Variants in RANBP17 observed in about 807,000 individuals in gnomAD.
RANBP17 encodes the protein RAN binding protein 17.
RANBP17 carries 158 observed loss-of-function variants against 141.2 expected under a neutral mutation model. The ratio of observed to expected loss-of-function variants is 1.12; its 90% CI spans 0.98 to 1.28. RANBP17 has a LOEUF of 1.28. Among genes scored for constraint, RANBP17 ranks in the 50% most tolerant of loss-of-function variants. The pLI, the probability that RANBP17 is intolerant of heterozygous loss-of-function variation, is 0.00. For missense variants in RANBP17, 1,438 were observed against 1,290.7 expected (o/e 1.11, Z -1.75); for synonymous variants, 430 against 450.0 (o/e 0.96, Z 0.56).
chr5:170,967,249 C>G (rs1183821176), intron 13 of RANBP17, among the ~76,000 whole-genome samples: 1 of 151,904 alleles, frequency 6.6e-6, no homozygotes, highest in Admixed American at 6.6e-5. Context: ...GTCATATTTG[C>G]CTGTACATAC....
At chr5:170,916,645 A>G in intron 9 of RANBP17, 61 bp downstream of exon 9, 2 of 1,083,186 alleles carry the variant, frequency 1.8e-6, no homozygotes, top group Admixed American at 2.6e-5. Context: ...CTAAAGGCAC[A>G]TAATAAACTC....
intron 12 of RANBP17, among the ~76,000 whole-genome samples, chr5:170,934,916 A>G (rs889071562): frequency 6.6e-6 from 1 of 152,144 alleles, no homozygotes; most frequent in African/African-American, 2.4e-5. Flanking sequence ...ACTTGGTTCC[A>G]TTCTCCCTGT....
intron 13 of RANBP17, among the ~76,000 whole-genome samples, chr5:170,967,454 A>C (rs1776655329): frequency 1.3e-5 from 2 of 152,140 alleles, no homozygotes; most frequent in Admixed American, 6.5e-5. Flanking sequence ...TTTTGTTAGC[A>C]CAAGGTACTT....
chr5:170,900,698 A>G (rs149435825), intron 5 of RANBP17, among the ~76,000 whole-genome samples: 77 of 152,264 alleles, frequency 5.1e-4, no homozygotes, highest in African/African-American at 1.8e-3. Context: ...TGTCCCAGAG[A>G]TTCTGATACA....
Position 171,293,958 on chromosome 5 carries a change from G to A in RANBP17, c.3019G>A (p.Gly1007Arg). 6.2e-7 allele frequency: 1 copy of A among 1,613,606 alleles called. No homozygotes were observed. Among genetic ancestry groups the A allele is most frequent in the Non-Finnish European group, 8.5e-7 (1 of 1,179,640 alleles). ...NQWSVSRPLL[G>R]LILLNEKYFS... ...GTGGTCAGTATCCAGGCCTCTCCTG[G>A]GGCTCATCCTGCTCAATGAGAAGGT... Residue 1007 changes from glycine to arginine, a missense_variant, in exon 26 of 28, where the codon GGG becomes AGG. Coordinates refer to ENST00000523189, the MANE Select transcript of RANBP17 (RefSeq NM_022897.5).
At position 171,252,289 on chromosome 5, in the gene RANBP17, A is replaced by G. The variant is rs1765623437; in HGVS notation, c.2776+9469A>G. 5.2e-6 allele frequency: 8 copies of G among 1,550,426 alleles called. No individual in the cohort carries two copies. The South Asian group carries it at 6.9e-5, about 13-fold the overall frequency. ...CCGCTTACCTAATGGTAATATTAAT[A>G]ATGAAAATAATAACAGCACCCCAGA... On this transcript the variant is annotated intron_variant, in intron 24 of 27. Transcript: ENST00000523189.
At chr5:170,939,228 C>A (rs2339181) in intron 12 of RANBP17, among the ~76,000 whole-genome samples, 97,691 of 151,918 alleles carry the variant, frequency 0.64, 32,095 homozygotes, top group South Asian at 0.89. Context: ...GAAAGCAGAA[C>A]GTTTTCTACT....
chr5:171,274,501 G>T (rs866151549), intron 25 of RANBP17, among the ~76,000 whole-genome samples: 4 of 152,016 alleles, frequency 2.6e-5, no homozygotes, highest in Non-Finnish European at 5.9e-5. Context: ...AATATTTGAT[G>T]AATGACTATT....
chr5:171,095,034 A>T (rs1786578876), intron 14 of RANBP17, among the ~76,000 whole-genome samples: 1 of 152,198 alleles, frequency 6.6e-6, no homozygotes, highest in Non-Finnish European at 1.5e-5. Context: ...ATGTTATAAC[A>T]TAGCACAGAG....
At chr5:170,906,217 A>G (rs1038558603) in intron 5 of RANBP17, among the ~76,000 whole-genome samples, 3 of 152,076 alleles carry the variant, frequency 2.0e-5, no homozygotes, top group Admixed American at 2.0e-4. Context: ...TTTCTAGCAG[A>G]AGAACCAGTT....
chr5:170,869,480 G>A (rs943320277), intron 1 of RANBP17, among the ~76,000 whole-genome samples: 13 of 152,038 alleles, frequency 8.6e-5, no homozygotes, highest in Non-Finnish European at 1.8e-4. Context: ...TAGATCTGGT[G>A]GCCAGAAATC....
chr5:170,984,966 CAGACACACACACAA>C (rs1479265888), intron 14 of RANBP17, among the ~76,000 whole-genome samples: 22 of 151,812 alleles, frequency 1.4e-4, no homozygotes, highest in Non-Finnish European at 1.3e-4. Context: ...TTTTAAAATA[CAGACACACACACAA>C]AGACACACAC....
intron 19 of RANBP17, among the ~76,000 whole-genome samples, 169 bp downstream of exon 19, chr5:171,199,942 G>A (rs1293454989): frequency 4.6e-5 from 7 of 152,166 alleles, no homozygotes; most frequent in Middle Eastern, 3.4e-3. Context: ...TAGTTTCTTA[G>A]ACAAATGGAC....
chr5:171,222,647 G>C lies in RANBP17; in HGVS notation c.2422+807G>C, dbSNP rs115752458. On this transcript the variant is annotated intron_variant, in intron 22 of 27. Transcript: ENST00000523189. ...TTGCCTGTTATTCTTTTTTTTTTGA[G>C]ACGGAGTCTCACTCTGACACCCAGA... Among the ~76,000 whole-genome samples, 383 of 151,302 alleles carry C rather than the reference G, an allele frequency of 2.5e-3. 1 individual carries two copies. The highest frequency in any genetic ancestry group is 9.0e-3 in the African/African-American group (371 of 41,272).
intron 12 of RANBP17, among the ~76,000 whole-genome samples, chr5:170,940,286 C>G (rs540751952): frequency 6.6e-6 from 1 of 152,172 alleles, no homozygotes; most frequent in African/African-American, 2.4e-5. Flanking sequence ...ATTATTAAAA[C>G]TAGAGCTAAT....
chr5:171,198,789 C>T (rs1419600131), intron 18 of RANBP17, among the ~76,000 whole-genome samples: 2 of 152,138 alleles, frequency 1.3e-5, no homozygotes, highest in African/African-American at 4.8e-5. Context: ...CATGTCGTTC[C>T]ACCTCCAACT....
At chr5:171,016,074 A>G (rs1371950421) in intron 14 of RANBP17, among the ~76,000 whole-genome samples, 3 of 151,624 alleles carry the variant, frequency 2.0e-5, no homozygotes, top group African/African-American at 7.3e-5. Flanking sequence ...TTCGCTTTCC[A>G]TCTCCTCAAC....
intron 25 of RANBP17, among the ~76,000 whole-genome samples, chr5:171,266,462 C>G (rs754872366): frequency 1.3e-5 from 2 of 152,120 alleles, no homozygotes; most frequent in Non-Finnish European, 2.9e-5. Flanking sequence ...TTTTTAAAAA[C>G]TCACTTGTGC....
chr5:171,281,772 C>T (rs1767876524), intron 25 of RANBP17, among the ~76,000 whole-genome samples: 1 of 152,200 alleles, frequency 6.6e-6, no homozygotes, highest in Non-Finnish European at 1.5e-5. Context: ...ATATTATTGA[C>T]TTGAAATATA....
Sources: gnomAD v4.1 joint callset for allele counts (sites outside exome capture counted in the v4.1 genomes callset) on GRCh38, gnomAD v4.1.1 for gene constraint, MANE v1.5 for transcripts, NCBI Gene and HGNC (gene_info 2026-07-23, HGNC 2026-07-21) for gene names.